The following LRP1B variants were observed in gnomAD, a reference collection of about 807,000 sequenced individuals.
The protein encoded by LRP1B is LDL receptor related protein 1B, also known as low-density lipoprotein receptor-related protein 1B.
In LRP1B, 217 loss-of-function variants were observed where a neutral mutation model predicts 556.6. The ratio of observed to expected loss-of-function variants is 0.39; its 90% CI spans 0.35 to 0.44. The LOEUF (loss-of-function observed/expected upper bound fraction) is 0.44. Among genes scored for constraint, LRP1B ranks in the 20% least tolerant of loss-of-function variants. LRP1B has a pLI of 1.00. For missense variants in LRP1B, 5,053 were observed against 5,620.8 expected (o/e 0.90, Z 3.23); for synonymous variants, 2,047 against 1,865.8 (o/e 1.10, Z -2.50).
Position 140,297,661 on chromosome 2 carries a change from G to T in LRP1B, c.12967+147C>A. On this transcript the variant is annotated intron_variant, in intron 84 of 90. Coordinates refer to ENST00000389484, the MANE Select transcript of LRP1B (RefSeq NM_018557.3). ...ATCTTTACAATAAGAGAAAGGTGAAGAATGGGTAAATAATTGTTGGAGTGA... is the reference window on the plus strand; with the variant it reads ...ATCTTTACAATAAGAGAAAGGTGAATAATGGGTAAATAATTGTTGGAGTGA... The T allele has an allele frequency of 3.6e-6, 3 of 840,668 alleles. No homozygotes were observed. The South Asian group carries it at 5.7e-5, about 16-fold the overall frequency. 52.1% of individuals were successfully genotyped at this position (840,668 alleles called of 1,614,324 possible).
At chr2:140,271,337 A>AG (rs1353961163) in intron 85 of LRP1B, among the ~76,000 whole-genome samples, 1 of 151,968 alleles carries the variant, frequency 6.6e-6, no homozygotes, top group African/African-American at 2.4e-5. Flanking sequence ...ATGGTATCAC[A>AG]GTGCATCTGG....
chr2:140,692,190 T>G (rs1252184170), intron 41 of LRP1B, among the ~76,000 whole-genome samples: 1 of 152,302 alleles, frequency 6.6e-6, no homozygotes, highest in East Asian at 1.9e-4. Context: ...ATTACTATGT[T>G]ATTTCAAAAA....
chr2:142,032,943 T>C (rs1239142872), intron 1 of LRP1B, among the ~76,000 whole-genome samples: 1 of 151,836 alleles, frequency 6.6e-6, no homozygotes, highest in Non-Finnish European at 1.5e-5. Flanking sequence ...TCTCCTTCCT[T>C]GAGGAAAATC....
chr2:140,450,815 A>C (rs991108427), intron 62 of LRP1B, among the ~76,000 whole-genome samples, 154 bp from the exon 63 acceptor site: 1 of 152,228 alleles, frequency 6.6e-6, no homozygotes, highest in Non-Finnish European at 1.5e-5. Context: ...CTAAATACAC[A>C]AAAAGCCACA....
chr2:141,548,811 T>A (rs1685644087), intron 2 of LRP1B, among the ~76,000 whole-genome samples: 1 of 152,172 alleles, frequency 6.6e-6, no homozygotes, highest in Admixed American at 6.6e-5. Context: ...ATTTATGTGG[T>A]TGCTTGTGTC....
intron 1 of LRP1B, among the ~76,000 whole-genome samples, chr2:141,909,240 AG>A (rs1699839183): frequency 6.6e-6 from 1 of 152,120 alleles, no homozygotes; most frequent in African/African-American, 2.4e-5. Flanking sequence ...CTTAAAGTTG[AG>A]CCTGGACATT....
chr2:140,532,947 TA>T (rs1690779694), intron 47 of LRP1B, among the ~76,000 whole-genome samples: 54 of 124,170 alleles, frequency 4.3e-4, no homozygotes, highest in East Asian at 7.5e-4. Context: ...TATATATATA[TA>T]CACATATATA....
intron 83 of LRP1B, among the ~76,000 whole-genome samples, chr2:140,311,217 A>C (rs906243159): frequency 2.0e-5 from 3 of 151,846 alleles, no homozygotes; most frequent in Non-Finnish European, 4.4e-5. Context: ...TATCAAAAAC[A>C]TATGGCACGT....
chr2:141,188,808 A>T lies in LRP1B; in HGVS notation c.851-225T>A, dbSNP rs1249435. On this transcript the variant is annotated intron_variant, in intron 6 of 90. Transcript: ENST00000389484. ...TCTTGCTATCTGAAGACTGAAGACG[A>T]CCTAGATACATGCATAAAGAGTTTC... Among the ~76,000 whole-genome samples the T allele has an allele frequency of 7.4e-3, 1,118 of 152,084 alleles. 12 individuals are homozygous for T. The highest frequency in any genetic ancestry group is 0.026 in the African/African-American group (1,076 of 41,508).
intron 72 of LRP1B, among the ~76,000 whole-genome samples, chr2:140,360,154 T>C (rs1188358063): frequency 6.6e-6 from 1 of 151,646 alleles, no homozygotes; most frequent in Non-Finnish European, 1.5e-5. Flanking sequence ...ATCAATTTCC[T>C]TGAGAATACA....
chr2:140,616,597 A>G (rs1683265561), intron 41 of LRP1B, among the ~76,000 whole-genome samples: 1 of 151,222 alleles, frequency 6.6e-6, no homozygotes, highest in South Asian at 2.1e-4. Context: ...AGGATTTATT[A>G]TTACAAGCCT....
intron 7 of LRP1B, among the ~76,000 whole-genome samples, chr2:141,116,036 A>G (rs751500148): frequency 6.6e-6 from 1 of 152,184 alleles, no homozygotes. Flanking sequence ...TTATAAATAA[A>G]AATAATGGAG....
chr2:141,295,203 T>C (rs1162824483), intron 3 of LRP1B, among the ~76,000 whole-genome samples: 1 of 152,202 alleles, frequency 6.6e-6, no homozygotes, highest in Non-Finnish European at 1.5e-5. Context: ...CCAAGAATCT[T>C]ACCTTGGGGA....
At chr2:141,764,203 C>CA (rs1574334881) in intron 2 of LRP1B, among the ~76,000 whole-genome samples, 1 of 151,492 alleles carries the variant, frequency 6.6e-6, no homozygotes, top group Non-Finnish European at 1.5e-5. Context: ...TTTTTTGAGA[C>CA]AGAGTTTTGC....
chr2:141,859,193 T>C (rs1040522395), intron 1 of LRP1B, among the ~76,000 whole-genome samples: 11 of 152,212 alleles, frequency 7.2e-5, no homozygotes, highest in Admixed American at 3.9e-4. Context: ...CCCTTAAATA[T>C]TCCTAATATC....
At chr2:141,238,069 A>G (rs1332851244) in intron 5 of LRP1B, among the ~76,000 whole-genome samples, 1 of 152,226 alleles carries the variant, frequency 6.6e-6, no homozygotes, top group Non-Finnish European at 1.5e-5. Flanking sequence ...ATTGATAACC[A>G]TTGAAGATTT....
chr2:140,283,652 T>G (rs1683009744), intron 84 of LRP1B, among the ~76,000 whole-genome samples: 1 of 151,720 alleles, frequency 6.6e-6, no homozygotes, highest in South Asian at 2.1e-4. Context: ...GGGGTGGGAT[T>G]TTTAAAGTAT....
At chr2:141,125,670 G>C (rs1172220670) in intron 7 of LRP1B, among the ~76,000 whole-genome samples, 1 of 152,022 alleles carries the variant, frequency 6.6e-6, no homozygotes, top group Non-Finnish European at 1.5e-5. Context: ...CAGTAGTACT[G>C]TGTCTCACAA....
At chr2:140,426,112 G>A (rs943271882) in intron 66 of LRP1B, among the ~76,000 whole-genome samples, 4 of 152,218 alleles carry the variant, frequency 2.6e-5, no homozygotes, top group South Asian at 2.1e-4. Flanking sequence ...AAATGTTAAA[G>A]TGCTTGATGC....
Sources: gnomAD v4.1 joint callset for allele counts (sites outside exome capture counted in the v4.1 genomes callset) on GRCh38, gnomAD v4.1.1 for gene constraint, MANE v1.5 for transcripts, NCBI Gene and HGNC (gene_info 2026-07-23, HGNC 2026-07-21) for gene names.